Variants in TCF4 observed in about 807,000 individuals in gnomAD.
The protein encoded by TCF4 is transcription factor 4.
Under a neutral mutation model 82.1 loss-of-function variants are expected in TCF4, and 3 were observed. The ratio of observed to expected loss-of-function variants is 0.04; its 90% CI spans 0.02 to 0.09. The LOEUF is 0.09. Among genes scored for constraint, TCF4 ranks in the 10% least tolerant of loss-of-function variants. The probability of loss-of-function intolerance (pLI) is 1.00; values close to 1 mark genes in which losing one functional copy is unlikely to be tolerated. For missense variants in TCF4, 518 were observed against 852.7 expected, an observed-to-expected ratio of 0.61 and a Z score of 4.89; for synonymous variants, 276 against 309.6, an observed-to-expected ratio of 0.89 and a Z score of 1.14.
At position 55,403,493 on chromosome 18, in the gene TCF4, T is replaced by G. The variant is rs780528611; in HGVS notation, c.330A>C (p.Ser110=). The change falls in exon 6 of 20, where the codon TCA becomes TCC. Residue 110 remains serine, a synonymous_variant. Coordinates refer to ENST00000354452, the MANE Select transcript of TCF4 (RefSeq NM_001083962.2). ...IQSKTERGSY[S]SYGRESNLQG... is the part of the protein sequence containing the mutation. Reference sequence around the variant, plus strand: ...GTAAGTTTGATTCTCTCCCATAAGATGAGTATGAGCCCCTTTCTGTTTTAC... The same window carrying G: ...GTAAGTTTGATTCTCTCCCATAAGAGGAGTATGAGCCCCTTTCTGTTTTAC... The G allele has an allele frequency of 3.2e-5, 51 of 1,613,678 alleles. No individual in the cohort carries two copies. The African/African-American group carries it at 6.5e-4, about 21-fold the overall frequency.
At chr18:55,569,916 TAGA>T (rs1210303412) in intron 3 of TCF4, among the ~76,000 whole-genome samples, 1 of 152,136 alleles carries the variant, frequency 6.6e-6, no homozygotes, top group Non-Finnish European at 1.5e-5. Context: ...TAAATTCACG[TAGA>T]AGAACTCAGG....
At chr18:55,418,013 G>A (rs1460862511) in intron 5 of TCF4, among the ~76,000 whole-genome samples, 1 of 117,204 alleles carries the variant, frequency 8.5e-6, no homozygotes, top group African/African-American at 3.5e-5. Context: ...ATGTGTGTGT[G>A]TGTGTGTGTG....
At chr18:55,314,129 T>C (rs1157373674) in intron 8 of TCF4, among the ~76,000 whole-genome samples, 1 of 152,122 alleles carries the variant, frequency 6.6e-6, no homozygotes, top group Non-Finnish European at 1.5e-5. Context: ...TGAAAAACAC[T>C]GTAGTCTTTT....
At chr18:55,277,253 T>C (rs2061637151) in intron 9 of TCF4, among the ~76,000 whole-genome samples, 1 of 152,196 alleles carries the variant, frequency 6.6e-6, no homozygotes. Flanking sequence ...ACTTGAGCTT[T>C]AGTCCTTAGA....
intron 2 of TCF4, chr18:55,585,695 A>C: frequency 9.6e-7 from 1 of 1,039,452 alleles, no homozygotes; most frequent in Non-Finnish European, 1.2e-6. Context: ...AAGGAGAAGA[A>C]AAAAGTTGTT....
intron 3 of TCF4, among the ~76,000 whole-genome samples, chr18:55,499,410 C>G (rs972119367): frequency 3.3e-5 from 5 of 152,150 alleles, no homozygotes; most frequent in African/African-American, 4.8e-5. Flanking sequence ...CGTTTAAGCT[C>G]TGTGTGTGTG....
At chr18:55,351,899 G>A (rs12454308) in intron 6 of TCF4, 1 of 860,272 alleles carries the variant, frequency 1.2e-6, no homozygotes, top group African/African-American at 1.8e-5. Flanking sequence ...TTTATATTAA[G>A]AACAAATTTA....
chr18:55,386,163 C>T (rs1387251719), intron 6 of TCF4, among the ~76,000 whole-genome samples: 1 of 152,186 alleles, frequency 6.6e-6, no homozygotes, highest in Non-Finnish European at 1.5e-5. Context: ...TGGGTCCCCA[C>T]CCAGGGAGTC....
intron 3 of TCF4, chr18:55,550,256 T>C (rs1441654741): frequency 6.6e-6 from 1 of 152,244 alleles, no homozygotes; most frequent in Non-Finnish European, 1.5e-5. Flanking sequence ...AGTTTCCTTT[T>C]ACATAGTAGC....
At position 55,395,617 on chromosome 18, in the gene TCF4, G is replaced by A. The variant is rs561158810; in HGVS notation, c.369+7837C>T. 4.6e-5 allele frequency among the ~76,000 whole-genome samples: 7 copies of A among 152,172 alleles called. No homozygotes were observed. In the East Asian group the frequency reaches 1.2e-3, roughly 25 times the overall value. ...AAATGCCATAATCGAAAAATTATTG[G>A]GGCATATTTAAGAACCTGCTAAAGG... On this transcript the variant is annotated intron_variant, in intron 6 of 19. Coordinates refer to ENST00000354452, the MANE Select transcript of TCF4 (RefSeq NM_001083962.2).
At chr18:55,427,580 T>A (rs1040772453) in intron 5 of TCF4, among the ~76,000 whole-genome samples, 1 of 152,154 alleles carries the variant, frequency 6.6e-6, no homozygotes, top group Non-Finnish European at 1.5e-5. Context: ...GATGCCTCCA[T>A]CTTCTCATCA....
intron 6 of TCF4, among the ~76,000 whole-genome samples, chr18:55,395,599 A>G (rs769583757): frequency 6.6e-6 from 1 of 152,238 alleles, no homozygotes; most frequent in Admixed American, 6.5e-5. Flanking sequence ...GCTAAATGCC[A>G]TAATCGAAAA....
At chr18:55,496,778 TC>T (rs1398115703) in intron 3 of TCF4, among the ~76,000 whole-genome samples, 1 of 151,978 alleles carries the variant, frequency 6.6e-6, no homozygotes, top group Non-Finnish European at 1.5e-5. Context: ...AGTCCCAACT[TC>T]TTTATATACT....
intron 5 of TCF4, among the ~76,000 whole-genome samples, chr18:55,445,513 A>G (rs1247728176): frequency 6.6e-6 from 1 of 152,098 alleles, no homozygotes; most frequent in Non-Finnish European, 1.5e-5. Flanking sequence ...AAACCATCAG[A>G]TCTCGTGAGA....
intron 3 of TCF4, among the ~76,000 whole-genome samples, chr18:55,558,631 C>T (rs2097326585): frequency 6.6e-6 from 1 of 152,084 alleles, no homozygotes; most frequent in African/African-American, 2.4e-5. Context: ...TTGAAAGATG[C>T]CCTTTAATTT....
chr18:55,245,779 G>A (rs561195937), intron 15 of TCF4, among the ~76,000 whole-genome samples: 10 of 151,132 alleles, frequency 6.6e-5, no homozygotes, highest in Non-Finnish European at 7.4e-5. Context: ...TTTTCCTAGC[G>A]GTCTGAATTG....
intron 15 of TCF4, among the ~76,000 whole-genome samples, chr18:55,249,487 C>G (rs901545210): frequency 6.6e-6 from 1 of 152,132 alleles, no homozygotes; most frequent in African/African-American, 2.4e-5. Flanking sequence ...TCCCCCATCC[C>G]TAAGTCAACT....
chr18:55,434,763 C>CGTGTGTGT (rs527450659), intron 5 of TCF4, among the ~76,000 whole-genome samples: 8,400 of 131,686 alleles, frequency 0.064, 400 homozygotes, highest in South Asian at 0.14. Flanking sequence ...CTCAAGTATT[C>CGTGTGTGT]GTGTGTGTGT....
At chr18:55,597,279 A>G (rs561812413) in intron 2 of TCF4, among the ~76,000 whole-genome samples, 1 of 152,328 alleles carries the variant, frequency 6.6e-6, no homozygotes, top group African/African-American at 2.4e-5. Flanking sequence ...AAGGGTATTC[A>G]TGAAGTCTAT....
Sources: allele counts gnomAD v4.1 joint callset (sites outside exome capture counted in the v4.1 genomes callset), GRCh38; gene constraint gnomAD v4.1.1; transcripts MANE v1.5; gene names NCBI Gene and HGNC (gene_info 2026-07-23, HGNC 2026-07-21).